The following QTGAL variants were observed in gnomAD, a reference collection of about 807,000 sequenced individuals.
The protein encoded by QTGAL is BGnT-like protein 1.
At chr17:83,014,170 T>C in the QTGAL span, among the ~76,000 whole-genome samples, 217 of 152,336 alleles carry the variant, frequency 1.4e-3, no homozygotes, top group Admixed American at 2.7e-3. Flanking sequence ...CAGCCTGTGT[T>C]TTCATGTCTA....
At chr17:82,983,903 T>C in the QTGAL span, among the ~76,000 whole-genome samples, 3 of 152,212 alleles carry the variant, frequency 2.0e-5, no homozygotes, top group Non-Finnish European at 4.4e-5. Flanking sequence ...CCCTGGACTG[T>C]TGTCCTTATA....
At chr17:83,047,331 G>A in the QTGAL span, among the ~76,000 whole-genome samples, 1 of 152,130 alleles carries the variant, frequency 6.6e-6, no homozygotes, top group Non-Finnish European at 1.5e-5. Context: ...CCCACCTAAT[G>A]TCATCCTAAT....
chr17:83,039,378 G>C, the QTGAL span, among the ~76,000 whole-genome samples: 3 of 45,424 alleles, frequency 6.6e-5, no homozygotes, highest in African/African-American at 3.7e-4. Context: ...GCCCGCCCCT[G>C]TTCTAGACAC....
At chr17:83,024,476 C>T in the QTGAL span, among the ~76,000 whole-genome samples, 1 of 152,270 alleles carries the variant, frequency 6.6e-6, no homozygotes, top group Non-Finnish European at 1.5e-5. Context: ...CCTCGCTCAT[C>T]CGCCTCCAGT....
At chr17:82,973,545 C>T in the QTGAL span, among the ~76,000 whole-genome samples, 1 of 151,846 alleles carries the variant, frequency 6.6e-6, no homozygotes, top group East Asian at 1.9e-4. Flanking sequence ...TGGAGTCCGG[C>T]TCTCACCTGG....
the QTGAL span, chr17:83,048,870 C>G: frequency 2.8e-5 from 30 of 1,057,778 alleles, no homozygotes; most frequent in Middle Eastern, 8.1e-4. Context: ...CTTCACCACC[C>G]GCACATATGC....
At chr17:82,947,366 A>G in the QTGAL span, 1 of 211,130 alleles carries the variant, frequency 4.7e-6, no homozygotes, top group Non-Finnish European at 9.4e-6. Context: ...GAGTGGGAGG[A>G]GGCCCCTCAG....
the QTGAL span, among the ~76,000 whole-genome samples, chr17:83,013,972 GC>G: frequency 6.6e-6 from 1 of 152,054 alleles, no homozygotes; most frequent in African/African-American, 2.4e-5. Context: ...GGATGGAGGA[GC>G]CCACGGGGCA....
the QTGAL span, among the ~76,000 whole-genome samples, chr17:82,983,814 C>A: frequency 1.1e-4 from 16 of 152,216 alleles, no homozygotes; most frequent in African/African-American, 3.9e-4. Context: ...CGGGTTGAAG[C>A]CCTAACTCCC....
chr17:82,997,930 A>AATATAT, the QTGAL span, among the ~76,000 whole-genome samples: 866 of 131,572 alleles, frequency 6.6e-3, 18 homozygotes, highest in East Asian at 0.025. Context: ...TAAAAAAAAA[A>AATATAT]ATATATATAT....
At chr17:82,996,709 T>C in the QTGAL span, among the ~76,000 whole-genome samples, 36 of 152,036 alleles carry the variant, frequency 2.4e-4, no homozygotes, top group Non-Finnish European at 3.8e-4. Context: ...CATAGATCCG[T>C]GGAACAGAAT....
the QTGAL span, among the ~76,000 whole-genome samples, chr17:83,026,355 A>C: frequency 1.3e-5 from 2 of 152,268 alleles, no homozygotes; most frequent in East Asian, 3.9e-4. Context: ...TCCTCAAAGC[A>C]AAAACCTGGT....
the QTGAL span, chr17:82,944,113 AAAG>A: frequency 6.6e-6 from 1 of 152,276 alleles, no homozygotes; most frequent in East Asian, 1.9e-4. Flanking sequence ...AGTGCAATTA[AAAG>A]AAGATTCCAG....
the QTGAL span, among the ~76,000 whole-genome samples, chr17:83,046,709 A>T: frequency 1.3e-5 from 2 of 152,218 alleles, no homozygotes; most frequent in African/African-American, 4.8e-5. Context: ...TGAGCCAGAA[A>T]TTCTACACCA....
At chr17:82,957,289 G>A in the QTGAL span, 6 of 1,613,958 alleles carry the variant, frequency 3.7e-6, no homozygotes, top group African/African-American at 5.3e-5. Context: ...GACAGGCCGG[G>A]GCCAGGGCCT....
the QTGAL span, among the ~76,000 whole-genome samples, chr17:82,992,792 C>A: frequency 6.6e-6 from 1 of 151,960 alleles, no homozygotes; most frequent in Non-Finnish European, 1.5e-5. Context: ...TAAATAGAAA[C>A]AACAAAAAGT....
At chr17:82,960,583 G>A in the QTGAL span, 24 of 155,856 alleles carry the variant, frequency 1.5e-4, no homozygotes, top group Admixed American at 8.9e-4. Context: ...CCGGGCCCAC[G>A]TGGCCGCTCC....
chr17:82,985,402 C>T, the QTGAL span, among the ~76,000 whole-genome samples: 1 of 152,210 alleles, frequency 6.6e-6, no homozygotes. Flanking sequence ...TAAATGAGAT[C>T]TCTTCTTTGA....
chr17:82,966,366 C>T, the QTGAL span, among the ~76,000 whole-genome samples: 1 of 152,048 alleles, frequency 6.6e-6, no homozygotes, highest in Non-Finnish European at 1.5e-5. Flanking sequence ...AACGGAGATT[C>T]TAAAATGTAT....
Sources: gnomAD v4.1 joint callset for allele counts (sites outside exome capture counted in the v4.1 genomes callset) on GRCh38, gnomAD v4.1.1 for gene constraint, MANE v1.5 for transcripts, NCBI Gene and HGNC (gene_info 2026-07-23, HGNC 2026-07-21) for gene names.